Variants in ITPRID1 observed in about 807,000 individuals in gnomAD.
The protein encoded by ITPRID1 is protein ITPRID1.
Under a neutral mutation model 95.4 loss-of-function variants are expected in ITPRID1, and 96 were observed. The observed-to-expected ratio is 1.01, with a 90% CI of 0.85 to 1.19. ITPRID1 has a LOEUF of 1.19. ITPRID1 is among the 50% of genes most tolerant of loss of function. The pLI is 0.00. For synonymous variants in ITPRID1, 510 were observed against 453.6 expected (o/e 1.12, Z -1.58); for missense variants, 1,339 against 1,252.9 (o/e 1.07, Z -1.04).
intron 12 of ITPRID1, among the ~76,000 whole-genome samples, chr7:31,650,483 A>G (rs1790850549): frequency 6.6e-6 from 1 of 152,160 alleles, no homozygotes; most frequent in Admixed American, 6.5e-5. Context: ...GAGTTAAACG[A>G]TGACTACATC....
intron 1 of ITPRID1, among the ~76,000 whole-genome samples, chr7:31,528,093 T>A (rs1384269862): frequency 6.6e-6 from 1 of 152,200 alleles, no homozygotes; most frequent in African/African-American, 2.4e-5. Flanking sequence ...AGGAAATTGA[T>A]TTCCCCAAGG....
Position 31,527,968 on chromosome 7 carries a change from T to C in ITPRID1, c.-98+13848T>C, listed in dbSNP as rs1783476205. Among the ~76,000 whole-genome samples the C allele has an allele frequency of 2.0e-5, 3 of 152,282 alleles. No individual in the cohort carries two copies. In the South Asian group the frequency reaches 6.2e-4, roughly 32 times the overall value. On this transcript the variant is annotated intron_variant, in intron 1 of 14. Coordinates refer to ENST00000615280, the MANE Select transcript of ITPRID1 (RefSeq NM_001257967.3). ...GCTTTGGTTATGAATCACCCATTGT[T>C]TCATGGACCACTATATATATAACAC...
At chr7:31,629,870 G>T (rs904447922) in intron 10 of ITPRID1, among the ~76,000 whole-genome samples, 1 of 152,170 alleles carries the variant, frequency 6.6e-6, no homozygotes, top group Non-Finnish European at 1.5e-5. Flanking sequence ...ATGTACACCA[G>T]CGTACTGAAT....
At chr7:31,515,736 A>G (rs1583446953) in intron 1 of ITPRID1, among the ~76,000 whole-genome samples, 1 of 152,308 alleles carries the variant, frequency 6.6e-6, no homozygotes, top group South Asian at 2.1e-4. Flanking sequence ...ATTTTCACTT[A>G]ATTTTATACA....
At chr7:31,519,620 C>CTCTCTCTCTCCATA in intron 1 of ITPRID1, among the ~76,000 whole-genome samples, 2 of 25,252 alleles carry the variant, frequency 7.9e-5, no homozygotes, top group Non-Finnish European at 1.5e-4. Context: ...CTCTCTCTCT[C>CTCTCTCTCTCCATA]TATATATATA....
intron 1 of ITPRID1, among the ~76,000 whole-genome samples, chr7:31,548,713 G>A (rs1456647366): frequency 1.3e-5 from 2 of 152,136 alleles, no homozygotes; most frequent in African/African-American, 4.8e-5. Context: ...GAAGAAGGAT[G>A]AGTTAGTTCT....
At chr7:31,599,113 A>ATCATT (rs1204823313) in intron 10 of ITPRID1, among the ~76,000 whole-genome samples, 1 of 152,234 alleles carries the variant, frequency 6.6e-6, no homozygotes, top group Non-Finnish European at 1.5e-5. Flanking sequence ...AAGTATAAGA[A>ATCATT]TCATTTTGAA....
chr7:31,647,837 A>C (rs370667455), intron 12 of ITPRID1, among the ~76,000 whole-genome samples: 2 of 152,164 alleles, frequency 1.3e-5, no homozygotes, highest in South Asian at 4.1e-4. Context: ...AGCAATATAT[A>C]ACACTGCAGA....
intron 5 of ITPRID1, among the ~76,000 whole-genome samples, chr7:31,559,571 A>G (rs924692458): frequency 2.0e-5 from 3 of 152,168 alleles, no homozygotes; most frequent in African/African-American, 4.8e-5. Flanking sequence ...AGGCTGAGGC[A>G]GGAGAATTGC....
At chr7:31,587,309 G>A (rs1382852574) in intron 10 of ITPRID1, among the ~76,000 whole-genome samples, 12 of 152,034 alleles carry the variant, frequency 7.9e-5, no homozygotes, top group South Asian at 2.1e-4. Flanking sequence ...TACAAAATCA[G>A]TGTACAAAAA....
chr7:31,568,564 A>C (rs1483179069), intron 5 of ITPRID1, among the ~76,000 whole-genome samples: 1 of 152,226 alleles, frequency 6.6e-6, no homozygotes, highest in Non-Finnish European at 1.5e-5. Flanking sequence ...GAACCTTCTG[A>C]GGAATTTGCC....
At chr7:31,644,325 T>C (rs933125439) in intron 12 of ITPRID1, among the ~76,000 whole-genome samples, 7 of 152,356 alleles carry the variant, frequency 4.6e-5, no homozygotes, top group African/African-American at 1.4e-4. Flanking sequence ...AGCTATATAA[T>C]CTTGCACAAG....
chr7:31,532,672 A>G (rs1463430066), intron 1 of ITPRID1, among the ~76,000 whole-genome samples: 1 of 152,162 alleles, frequency 6.6e-6, no homozygotes, highest in Non-Finnish European at 1.5e-5. Context: ...GAAGTGTTTA[A>G]TGCTTTATGA....
At position 31,537,560 on chromosome 7, in the gene ITPRID1, C is replaced by T. The variant is rs1783800671; in HGVS notation, c.-97-11866C>T. Among the ~76,000 whole-genome samples, 3 of 152,042 alleles carry T rather than the reference C, an allele frequency of 2.0e-5. No homozygotes were observed. The South Asian group carries it at 6.2e-4, about 32-fold the overall frequency. Reference sequence around the variant, plus strand: ...ACATTCTTTTGTGACTTCCCACATTCTAAATAAAATTATACATTTGACATT... The same window carrying T: ...ACATTCTTTTGTGACTTCCCACATTTTAAATAAAATTATACATTTGACATT... On this transcript the variant is annotated intron_variant, in intron 1 of 14. Transcript: ENST00000615280.
chr7:31,519,230 A>G (rs1272372647), intron 1 of ITPRID1, among the ~76,000 whole-genome samples: 2 of 152,174 alleles, frequency 1.3e-5, no homozygotes, highest in African/African-American at 4.8e-5. Context: ...GAGAAATAAC[A>G]TACGTGTATA....
chr7:31,543,689 A>G (rs150296160), intron 1 of ITPRID1, among the ~76,000 whole-genome samples: 212 of 151,906 alleles, frequency 1.4e-3, no homozygotes, highest in East Asian at 0.011. Flanking sequence ...TTTTTTTCCA[A>G]ATGTTTTCTC....
chr7:31,535,228 T>C (rs774286514), intron 1 of ITPRID1, among the ~76,000 whole-genome samples: 14 of 152,180 alleles, frequency 9.2e-5, no homozygotes, highest in Non-Finnish European at 1.6e-4. Context: ...CATTAAAGTA[T>C]ATTGTACTAT....
At chr7:31,612,976 C>A (rs1786947437) in intron 10 of ITPRID1, among the ~76,000 whole-genome samples, 1 of 152,132 alleles carries the variant, frequency 6.6e-6, no homozygotes, top group Non-Finnish European at 1.5e-5. Context: ...TAAACATACA[C>A]CCTGCTGGTA....
intron 2 of ITPRID1, among the ~76,000 whole-genome samples, chr7:31,550,250 GAGTAGA>G (rs1472732049): frequency 6.8e-6 from 1 of 147,570 alleles, no homozygotes; most frequent in Non-Finnish European, 1.5e-5. Context: ...TTTCCCACAT[GAGTAGA>G]AGTTTTGTAT....
Sources: allele counts gnomAD v4.1 joint callset (sites outside exome capture counted in the v4.1 genomes callset), GRCh38; gene constraint gnomAD v4.1.1; transcripts MANE v1.5; gene names NCBI Gene and HGNC (gene_info 2026-07-23, HGNC 2026-07-21).